FAM107B: variants seen among roughly 807,000 people sequenced by gnomAD.
The protein encoded by FAM107B is family with sequence similarity 107 member B.
In FAM107B, 21 loss-of-function variants were observed where a neutral mutation model predicts 31.5. The observed-to-expected ratio is 0.67, with a 90% CI of 0.47 to 0.96. The LOEUF is 0.96. FAM107B is among the 40% of genes least tolerant of loss of function. The pLI, the probability that FAM107B is intolerant of heterozygous loss-of-function variation, is 0.00. For missense variants in FAM107B, 452 were observed against 377.1 expected (o/e 1.20, Z -1.64); for synonymous variants, 157 against 141.5 (o/e 1.11, Z -0.78).
At chr10:14,538,184 A>G (rs951533960) in intron 2 of FAM107B, among the ~76,000 whole-genome samples, 2 of 152,250 alleles carry the variant, frequency 1.3e-5, no homozygotes, top group African/African-American at 4.8e-5. Context: ...AACATCTTGC[A>G]AAGGATGACA....
At chr10:14,694,627 G>T (rs1162600705) in intron 1 of FAM107B, among the ~76,000 whole-genome samples, 1 of 152,130 alleles carries the variant, frequency 6.6e-6, no homozygotes, top group Non-Finnish European at 1.5e-5. Context: ...CAGGTGATCT[G>T]CCTGCCTCAG....
intron 2 of FAM107B, among the ~76,000 whole-genome samples, chr10:14,593,004 A>G (rs1481608918): frequency 6.6e-6 from 1 of 152,220 alleles, no homozygotes; most frequent in Non-Finnish European, 1.5e-5. Flanking sequence ...CAAATATGGA[A>G]CAATGGTTGA....
intron 1 of FAM107B, among the ~76,000 whole-genome samples, chr10:14,717,115 A>G (rs924144627): frequency 6.6e-6 from 1 of 152,134 alleles, no homozygotes; most frequent in Non-Finnish European, 1.5e-5. Context: ...ATTAAAAATT[A>G]AAGTGACTTG....
At chr10:14,622,337 T>G (rs1050912292) in intron 2 of FAM107B, among the ~76,000 whole-genome samples, 1 of 148,636 alleles carries the variant, frequency 6.7e-6, no homozygotes, top group African/African-American at 2.5e-5. Flanking sequence ...AGATGGAGTC[T>G]CGCTGTATTG....
At chr10:14,652,728 A>C (rs1233580791) in intron 2 of FAM107B, 1 of 152,218 alleles carries the variant, frequency 6.6e-6, no homozygotes, top group Non-Finnish European at 1.5e-5. Flanking sequence ...TTTTGTGTTC[A>C]GTTGTGAGAA....
At chr10:14,671,890 AAACAAAAAAAAAACC>A (rs1236371642) in intron 1 of FAM107B, among the ~76,000 whole-genome samples, 1 of 149,404 alleles carries the variant, frequency 6.7e-6, no homozygotes, top group African/African-American at 2.5e-5. Flanking sequence ...AAAAACAAAA[AAACAAAAAAAAAACC>A]CTCTATTTCT....
At chr10:14,526,923 C>T (rs181898679) in intron 3 of FAM107B, among the ~76,000 whole-genome samples, 258 of 152,010 alleles carry the variant, frequency 1.7e-3, no homozygotes, top group African/African-American at 5.9e-3. Flanking sequence ...CTGCAAGCTC[C>T]GCCTCCCGGG....
intron 3 of FAM107B, among the ~76,000 whole-genome samples, chr10:14,525,294 C>T (rs963032947): frequency 6.6e-6 from 1 of 152,156 alleles, no homozygotes; most frequent in Admixed American, 6.5e-5. Flanking sequence ...ATGACAGTAT[C>T]ACCCACGAGT....
rs182132465 is a variant in FAM107B at position 14,760,772 on chromosome 10, C to T, written c.411+13481G>A. Among the ~76,000 whole-genome samples, 30 of 152,052 alleles carry T rather than the reference C, an allele frequency of 2.0e-4. No individual in the cohort carries two copies. In the East Asian group the frequency reaches 5.4e-3, roughly 27 times the overall value. ...AGAGCAAAGCCAAAGACATATATTACAGTTCCAGGTGGGCGGATCACTTGA... is the reference window on the plus strand; with the variant it reads ...AGAGCAAAGCCAAAGACATATATTATAGTTCCAGGTGGGCGGATCACTTGA... On this transcript the variant is annotated intron_variant, in intron 1 of 4. Transcript: ENST00000181796.
chr10:14,683,438 AAAC>A (rs769177275), intron 1 of FAM107B, among the ~76,000 whole-genome samples: 3 of 152,254 alleles, frequency 2.0e-5, no homozygotes, highest in Non-Finnish European at 2.9e-5. Context: ...CGCAGGAACA[AAAC>A]AACATTCGTT....
chr10:14,758,283 G>T (rs917105859), intron 1 of FAM107B, among the ~76,000 whole-genome samples: 2 of 152,118 alleles, frequency 1.3e-5, no homozygotes, highest in African/African-American at 2.4e-5. Context: ...AGAAAATTGC[G>T]AGGATAACGG....
chr10:14,589,166 A>G (rs1470890761), intron 2 of FAM107B, among the ~76,000 whole-genome samples: 1 of 148,670 alleles, frequency 6.7e-6, no homozygotes, highest in Non-Finnish European at 1.5e-5. Flanking sequence ...ACACACCGAG[A>G]CTGTCTCAAA....
At chr10:14,585,248 T>C (rs1189065852) in intron 2 of FAM107B, among the ~76,000 whole-genome samples, 2 of 152,216 alleles carry the variant, frequency 1.3e-5, no homozygotes, top group Non-Finnish European at 2.9e-5. Context: ...TCCAATTCTT[T>C]GTTCAAAATG....
chr10:14,731,645 T>C (rs1856176806), intron 1 of FAM107B, among the ~76,000 whole-genome samples: 1 of 152,230 alleles, frequency 6.6e-6, no homozygotes. Flanking sequence ...TGCATAATGA[T>C]GTTTGGGTCA....
intron 2 of FAM107B, among the ~76,000 whole-genome samples, chr10:14,552,251 G>A (rs1012359474): frequency 1.3e-5 from 2 of 152,156 alleles, no homozygotes; most frequent in Non-Finnish European, 2.9e-5. Context: ...TTGCCACTGT[G>A]ATGACCAAAG....
intron 2 of FAM107B, among the ~76,000 whole-genome samples, chr10:14,579,270 T>C (rs998966716): frequency 6.6e-6 from 1 of 152,218 alleles, no homozygotes; most frequent in Admixed American, 6.5e-5. Flanking sequence ...CCATACCAAT[T>C]AGTAGAATTC....
intron 1 of FAM107B, among the ~76,000 whole-genome samples, chr10:14,714,057 T>C (rs1011612780): frequency 6.6e-6 from 1 of 151,652 alleles, no homozygotes; most frequent in African/African-American, 2.4e-5. Context: ...AAGGTGAGGA[T>C]AAAAAAAACT....
rs927489541 is a variant in FAM107B at position 14,731,383 on chromosome 10, G to A, written c.411+42870C>T. Among the ~76,000 whole-genome samples, 10 of 152,156 alleles carry A rather than the reference G, an allele frequency of 6.6e-5. No homozygotes were observed. In the South Asian group the frequency reaches 1.7e-3, roughly 25 times the overall value. The stretch of plus-strand genomic sequence containing the variant: ...TTGAGACCAGCCTGACCAACATGGT[G>A]AAACCCCATCTCTACTAAAAATACA... On this transcript the variant is annotated intron_variant, in intron 1 of 4. Coordinates refer to ENST00000181796, the MANE Select transcript of FAM107B (RefSeq NM_031453.4).
chr10:14,714,427 C>T (rs981079975), intron 1 of FAM107B, among the ~76,000 whole-genome samples: 3 of 152,134 alleles, frequency 2.0e-5, no homozygotes, highest in Admixed American at 6.5e-5. Context: ...GATGGTGCAC[C>T]GGAACTTGAA....
Sources: allele counts gnomAD v4.1 joint callset (sites outside exome capture counted in the v4.1 genomes callset), GRCh38; gene constraint gnomAD v4.1.1; transcripts MANE v1.5; gene names NCBI Gene and HGNC (gene_info 2026-07-23, HGNC 2026-07-21).